Variants in NR5A2 observed in about 807,000 individuals in gnomAD.
NR5A2 encodes CYP7A promoter-binding factor.
In NR5A2, 26 loss-of-function variants were observed where a neutral mutation model predicts 62.7. That is an observed-to-expected ratio of 0.41 (90% CI 0.30 to 0.58). The LOEUF is 0.58. Ranked by LOEUF, NR5A2 falls within the 20% of genes least tolerant of loss-of-function variation. NR5A2 has a pLI of 0.22. For synonymous variants in NR5A2, 246 were observed against 241.7 expected (o/e 1.02, Z -0.16); for missense variants, 541 against 669.1 (o/e 0.81, Z 2.11).
At chr1:200,097,543 C>G (rs992831654) in intron 5 of NR5A2, among the ~76,000 whole-genome samples, 9 of 152,334 alleles carry the variant, frequency 5.9e-5, no homozygotes, top group African/African-American at 1.9e-4. Context: ...GATGGCTGTG[C>G]TATGCATAAC....
chr1:200,168,017 C>T (rs1653986843), intron 7 of NR5A2, among the ~76,000 whole-genome samples: 1 of 151,868 alleles, frequency 6.6e-6, no homozygotes, highest in African/African-American at 2.4e-5. Flanking sequence ...TCTCCAACAC[C>T]CAGACCAGAG....
At chr1:200,073,051 C>A (rs545388065) in intron 5 of NR5A2, among the ~76,000 whole-genome samples, 2 of 151,740 alleles carry the variant, frequency 1.3e-5, no homozygotes, top group Admixed American at 6.6e-5. Flanking sequence ...CGAAAATCAG[C>A]GTTGATTGCT....
intron 7 of NR5A2, among the ~76,000 whole-genome samples, chr1:200,142,445 C>T (rs1341893275): frequency 5.3e-5 from 8 of 151,924 alleles, no homozygotes; most frequent in Non-Finnish European, 1.0e-4. Flanking sequence ...ATCTACCCGC[C>T]TCGGCCTCCC....
Position 200,082,813 on chromosome 1 carries a change from A to C in NR5A2, c.1111-28389A>C, listed in dbSNP as rs565169022. 5.9e-5 allele frequency among the ~76,000 whole-genome samples: 9 copies of C among 152,244 alleles called. No individual in the cohort carries two copies. In the South Asian group the frequency reaches 1.7e-3, roughly 28 times the overall value. On this transcript the variant is annotated intron_variant, in intron 5 of 7. Coordinates refer to ENST00000367362, the MANE Select transcript of NR5A2 (RefSeq NM_205860.3). ...AGCTTTTCAGTGTAAAGCCCTCAAAACACCTGCTGTGCATCTACAAAGGTC... is the reference window on the plus strand; with the variant it reads ...AGCTTTTCAGTGTAAAGCCCTCAAACCACCTGCTGTGCATCTACAAAGGTC...
At chr1:200,090,515 AGTT>A (rs1558131647) in intron 5 of NR5A2, among the ~76,000 whole-genome samples, 1 of 152,232 alleles carries the variant, frequency 6.6e-6, no homozygotes. Flanking sequence ...TTGGAAAAAT[AGTT>A]GTAACCTCTT....
chr1:200,099,590 C>A (rs186560597), intron 5 of NR5A2, among the ~76,000 whole-genome samples: 5 of 152,102 alleles, frequency 3.3e-5, no homozygotes, highest in Admixed American at 1.3e-4. Flanking sequence ...ACCTGGATTT[C>A]TTTTATTTTA....
Position 200,153,093 on chromosome 1 carries a change from A to C in NR5A2, c.1379-20870A>C, listed in dbSNP as rs574570509. ...CTTAATTACACTCTTGCTTTCGTTT[A>C]TTCCTTTTGCTACTTTCCTGGCTGG... On this transcript the variant is annotated intron_variant, in intron 7 of 7. Transcript: ENST00000367362. Among the ~76,000 whole-genome samples the C allele has an allele frequency of 1.2e-3, 183 of 152,312 alleles. No individual in the cohort carries two copies. In the Middle Eastern group the frequency reaches 0.014, roughly 11 times the overall value.
At chr1:200,054,792 C>T (rs944863116) in intron 5 of NR5A2, among the ~76,000 whole-genome samples, 3 of 152,138 alleles carry the variant, frequency 2.0e-5, no homozygotes, top group African/African-American at 7.2e-5. Flanking sequence ...CATTCTAGAT[C>T]CTTTTTCCTA....
At chr1:200,055,995 T>G (rs931169560) in intron 5 of NR5A2, among the ~76,000 whole-genome samples, 1 of 152,206 alleles carries the variant, frequency 6.6e-6, no homozygotes, top group Non-Finnish European at 1.5e-5. Flanking sequence ...CAGGTTTGAT[T>G]CATGGTCTCT....
At chr1:200,050,917 A>G (rs1571716346) in intron 5 of NR5A2, among the ~76,000 whole-genome samples, 1 of 152,158 alleles carries the variant, frequency 6.6e-6, no homozygotes, top group East Asian at 1.9e-4. Flanking sequence ...AAATAAATTG[A>G]TGTTATCACT....
intron 7 of NR5A2, among the ~76,000 whole-genome samples, chr1:200,153,250 C>T (rs1653218922): frequency 6.6e-6 from 1 of 152,204 alleles, no homozygotes; most frequent in Non-Finnish European, 1.5e-5. Context: ...GTGAATTCAG[C>T]TAACACTTTC....
rs1654372856 is a variant in NR5A2 at position 200,175,435 on chromosome 1, T to G, written c.*1225T>G. The G allele has an allele frequency of 6.5e-6, 1 of 152,686 alleles. No individual in the cohort carries two copies. The highest frequency in any genetic ancestry group is 1.5e-5 in the Non-Finnish European group (1 of 68,044). The allele number at this position is 152,686 out of a possible 1,614,324, so 9.5% of individuals were successfully genotyped here. A position where few individuals can be genotyped will look rare whatever the true frequency, so the allele number is the denominator to read the frequency against. ...CCTTTTTAAGTCATAGACCAAAGTC[T>G]GCTGTAGAACAAATATGGGAGGACA... is the stretch of plus-strand genomic sequence containing the variant. On this transcript the variant is annotated 3_prime_UTR_variant, in exon 8 of 8. Coordinates refer to ENST00000367362, the MANE Select transcript of NR5A2 (RefSeq NM_205860.3).
chr1:200,066,928 C>T (rs926385618), intron 5 of NR5A2, among the ~76,000 whole-genome samples: 2 of 152,184 alleles, frequency 1.3e-5, no homozygotes. Flanking sequence ...CTTTTATGTA[C>T]AACTTAAATC....
chr1:200,144,987 T>A lies in NR5A2; in HGVS notation c.1378+24032T>A, dbSNP rs572617482. Reference sequence around the variant, plus strand: ...GTTTAAACCTCGTTGCTCATCAGAATCATCTGGGGGTTGAGGGAGGTGGCT... The same window carrying A: ...GTTTAAACCTCGTTGCTCATCAGAAACATCTGGGGGTTGAGGGAGGTGGCT... On this transcript the variant is annotated intron_variant, in intron 7 of 7. Transcript: ENST00000367362. Among the ~76,000 whole-genome samples the A allele has an allele frequency of 3.3e-5, 5 of 152,248 alleles. 1 individual carries two copies. The highest frequency in any genetic ancestry group is 1.2e-4 in the African/African-American group (5 of 41,550).
chr1:200,092,575 G>C (rs1432906842), intron 5 of NR5A2, among the ~76,000 whole-genome samples: 1 of 152,088 alleles, frequency 6.6e-6, no homozygotes, highest in East Asian at 1.9e-4. Context: ...GAGATAGATA[G>C]CTTTCTGGGC....
intron 7 of NR5A2, among the ~76,000 whole-genome samples, chr1:200,143,477 G>C (rs1229393196): frequency 6.6e-6 from 1 of 151,156 alleles, no homozygotes; most frequent in Non-Finnish European, 1.5e-5. Flanking sequence ...TTTACAAAAG[G>C]AGTGGAAGTT....
intron 5 of NR5A2, among the ~76,000 whole-genome samples, chr1:200,095,647 G>A (rs1030880691): frequency 4.0e-5 from 6 of 151,572 alleles, no homozygotes; most frequent in South Asian, 4.2e-4. Context: ...CCACCTCCTG[G>A]GTTCACGCCA....
intron 6 of NR5A2, among the ~76,000 whole-genome samples, chr1:200,116,549 G>GC (rs1329330746): frequency 6.6e-6 from 1 of 152,098 alleles, no homozygotes. Context: ...AACCAAAATA[G>GC]CCCCACTGCA....
In NR5A2 at chr1:200,111,171, T is replaced by TTTTG. The variant is rs751656809; in HGVS notation, c.1111-19_1111-16dup. On this transcript the variant is annotated intron_variant, in intron 5 of 7. Transcript: ENST00000367362. The stretch of plus-strand genomic sequence containing the variant: ...GAATAACAGTGTCATTTTTTGTTTT[T>TTTTG]TTTGTTTGTTTGTTTCTATTTCTTT... 61 of 1,597,672 alleles carry TTTTG rather than the reference T, an allele frequency of 3.8e-5. No individual in the cohort carries two copies. The East Asian group carries it at 1.4e-3, about 36-fold the overall frequency.
Sources: allele counts gnomAD v4.1 joint callset (sites outside exome capture counted in the v4.1 genomes callset), GRCh38; gene constraint gnomAD v4.1.1; transcripts MANE v1.5; gene names NCBI Gene and HGNC (gene_info 2026-07-23, HGNC 2026-07-21).